Variants in LRP1B observed in about 807,000 individuals in gnomAD.
The protein encoded by LRP1B is LDL receptor related protein 1B.
Under a neutral mutation model 556.6 loss-of-function variants are expected in LRP1B, and 217 were observed. That is an observed-to-expected ratio of 0.39 (90% CI 0.35 to 0.44). The LOEUF is 0.44. LRP1B is among the 20% of genes least tolerant of loss of function. The probability of loss-of-function intolerance (pLI) is 1.00; values close to 1 mark genes in which losing one functional copy is unlikely to be tolerated. For missense variants in LRP1B, 5,053 were observed against 5,620.8 expected, an observed-to-expected ratio of 0.90 and a Z score of 3.23; for synonymous variants, 2,047 against 1,865.8, an observed-to-expected ratio of 1.10 and a Z score of -2.50.
intron 41 of LRP1B, among the ~76,000 whole-genome samples, chr2:140,662,762 T>C (rs1259019936): frequency 6.6e-6 from 1 of 152,140 alleles, no homozygotes; most frequent in African/African-American, 2.4e-5. Flanking sequence ...TCATGAAACA[T>C]TGCCTTAGGT....
chr2:140,806,741 A>T (rs529491740), intron 32 of LRP1B, among the ~76,000 whole-genome samples: 2 of 152,334 alleles, frequency 1.3e-5, no homozygotes, highest in South Asian at 4.1e-4. Context: ...TCTATTTTAA[A>T]GCTATGATCC....
chr2:141,635,047 A>AACACACACACACAC lies in LRP1B; in HGVS notation c.206-154528_206-154515dup, dbSNP rs3221098. Among the ~76,000 whole-genome samples the AACACACACACACAC allele has an allele frequency of 3.8e-3, 575 of 150,030 alleles. 7 individuals carry two copies. The highest frequency in any genetic ancestry group is 0.011 in the African/African-American group (469 of 40,836). Reference sequence around the variant, plus strand: ...TAACATATAGTCAGAACTATAGTGAAACACACACACACACACACACCAAGT... The same window carrying AACACACACACACAC: ...TAACATATAGTCAGAACTATAGTGAAACACACACACACACACACACACACACACACACACCAAGT... On this transcript the variant is annotated intron_variant, in intron 2 of 90. Coordinates refer to ENST00000389484, the MANE Select transcript of LRP1B (RefSeq NM_018557.3).
chr2:140,474,069 C>A (rs773206992), intron 60 of LRP1B, among the ~76,000 whole-genome samples: 1 of 151,944 alleles, frequency 6.6e-6, no homozygotes, highest in Non-Finnish European at 1.5e-5. Flanking sequence ...CAACTACACT[C>A]TTTGTATTAC....
At chr2:140,364,350 A>T (rs1371576491) in intron 72 of LRP1B, among the ~76,000 whole-genome samples, 1 of 151,646 alleles carries the variant, frequency 6.6e-6, no homozygotes, top group Non-Finnish European at 1.5e-5. Flanking sequence ...ATGTGAAGCC[A>T]AAATTATTAT....
At chr2:140,957,177 G>A (rs16845018) in intron 18 of LRP1B, among the ~76,000 whole-genome samples, 9,534 of 151,570 alleles carry the variant, frequency 0.063, 371 homozygotes, top group South Asian at 0.11. Flanking sequence ...AACTAATCTC[G>A]GCTATTTATG....
At chr2:142,046,772 C>A (rs574843904) in intron 1 of LRP1B, among the ~76,000 whole-genome samples, 1 of 151,888 alleles carries the variant, frequency 6.6e-6, no homozygotes, top group Non-Finnish European at 1.5e-5. Context: ...TTCATATAAA[C>A]GCTCCTCTGT....
chr2:140,908,587 C>T (rs1285491742), intron 21 of LRP1B, among the ~76,000 whole-genome samples: 1 of 151,782 alleles, frequency 6.6e-6, no homozygotes, highest in Non-Finnish European at 1.5e-5. Flanking sequence ...ACATTTATAA[C>T]ATCAACACCC....
intron 43 of LRP1B, among the ~76,000 whole-genome samples, chr2:140,579,775 G>A (rs959068733): frequency 1.3e-5 from 2 of 152,176 alleles, no homozygotes; most frequent in African/African-American, 4.8e-5. Context: ...CCGGGAGGCG[G>A]GGGTTGCAGT....
intron 29 of LRP1B, among the ~76,000 whole-genome samples, chr2:140,848,216 A>C (rs1426002846): frequency 1.3e-5 from 2 of 152,180 alleles, no homozygotes; most frequent in African/African-American, 4.8e-5. Context: ...ATGACATTTC[A>C]TCAGTCATTA....
chr2:140,647,999 T>C (rs1288276611), intron 41 of LRP1B, among the ~76,000 whole-genome samples: 2 of 152,188 alleles, frequency 1.3e-5, no homozygotes, highest in African/African-American at 2.4e-5. Flanking sequence ...TGTATGTTTA[T>C]TGCAGCACTA....
At chr2:140,428,129 G>A (rs373298836) in intron 66 of LRP1B, among the ~76,000 whole-genome samples, 9 of 152,222 alleles carry the variant, frequency 5.9e-5, no homozygotes, top group African/African-American at 1.7e-4. Context: ...TCAAAAAGCC[G>A]TCTTATTCTC....
intron 2 of LRP1B, among the ~76,000 whole-genome samples, chr2:141,488,522 G>A (rs999126036): frequency 3.9e-5 from 6 of 152,182 alleles, no homozygotes; most frequent in South Asian, 4.1e-4. Flanking sequence ...CTTTTGGCAC[G>A]AAAACAGATC....
chr2:141,085,562 G>C (rs1263789116), intron 7 of LRP1B, among the ~76,000 whole-genome samples: 1 of 152,152 alleles, frequency 6.6e-6, no homozygotes, highest in Non-Finnish European at 1.5e-5. Context: ...CAAAGAAAGA[G>C]AGAGGCCTCA....
chr2:140,617,790 C>A (rs984016754), intron 41 of LRP1B, among the ~76,000 whole-genome samples: 6 of 151,872 alleles, frequency 4.0e-5, no homozygotes, highest in African/African-American at 1.4e-4. Context: ...CATTTAACAG[C>A]TTTGTGTTGT....
intron 1 of LRP1B, among the ~76,000 whole-genome samples, chr2:142,039,381 G>A (rs745330404): frequency 2.0e-5 from 3 of 151,124 alleles, no homozygotes; most frequent in African/African-American, 4.9e-5. Flanking sequence ...ATATTATCTC[G>A]GGACCTTATA....
At chr2:140,314,090 A>C (rs1489643641) in intron 83 of LRP1B, among the ~76,000 whole-genome samples, 1 of 151,984 alleles carries the variant, frequency 6.6e-6, no homozygotes, top group East Asian at 1.9e-4. Context: ...AGAAGCAGTG[A>C]GAACTCCCAC....
chr2:140,577,618 A>G (rs1444465934), intron 43 of LRP1B, among the ~76,000 whole-genome samples: 2 of 151,642 alleles, frequency 1.3e-5, no homozygotes, highest in African/African-American at 4.8e-5. Context: ...ACAGAGTCTC[A>G]CTATTTTACT....
intron 3 of LRP1B, among the ~76,000 whole-genome samples, chr2:141,463,356 A>G (rs559126452): frequency 1.3e-5 from 2 of 151,726 alleles, no homozygotes; most frequent in South Asian, 4.2e-4. Flanking sequence ...CACTGAAACT[A>G]TTACATGCCA....
intron 1 of LRP1B, among the ~76,000 whole-genome samples, chr2:141,824,567 G>A (rs1696861990): frequency 6.6e-6 from 1 of 152,064 alleles, no homozygotes; most frequent in Non-Finnish European, 1.5e-5. Context: ...GGGTTTCACC[G>A]TGGTCTCGAT....
Sources: allele counts gnomAD v4.1 joint callset (sites outside exome capture counted in the v4.1 genomes callset), GRCh38; gene constraint gnomAD v4.1.1; transcripts MANE v1.5; gene names NCBI Gene and HGNC (gene_info 2026-07-23, HGNC 2026-07-21).